SRFBP1: variants seen among roughly 807,000 people sequenced by gnomAD.
The protein encoded by SRFBP1 is serum response factor-binding protein 1.
SRFBP1 carries 47 observed loss-of-function variants against 45.5 expected under a neutral mutation model. The ratio of observed to expected loss-of-function variants is 1.03; its 90% CI spans 0.82 to 1.32. The LOEUF (loss-of-function observed/expected upper bound fraction) is 1.32, where lower values mean the gene tolerates loss of function less well. Ranked by LOEUF, SRFBP1 falls within the 40% of genes most tolerant of loss-of-function variation. The pLI is 0.00. For synonymous variants in SRFBP1, 203 were observed against 166.3 expected (o/e 1.22, Z -1.70); for missense variants, 621 against 484.6 (o/e 1.28, Z -2.64).
chr5:121,974,645 G>A (rs140827111), intron 2 of SRFBP1, among the ~76,000 whole-genome samples: 1,610 of 151,850 alleles, frequency 0.011, 27 homozygotes, highest in African/African-American at 0.036. Context: ...AATCAGTTTT[G>A]AAGATTTTAT....
chr5:122,031,767 T>C (rs1753591302), downstream of SRFBP1, among the ~76,000 whole-genome samples: 1 of 151,984 alleles, frequency 6.6e-6, no homozygotes, highest in Non-Finnish European at 1.5e-5. Context: ...GAGTGAACAG[T>C]GTGGTTTATG....
In SRFBP1 at chr5:121,962,441, A is replaced by C. The variant is rs1460277599; in HGVS notation, c.36+373A>C. Among the ~76,000 whole-genome samples the C allele has an allele frequency of 2.0e-5, 3 of 152,212 alleles. No homozygotes were observed. In the East Asian group the frequency reaches 5.8e-4, roughly 29 times the overall value. The stretch of plus-strand genomic sequence containing the variant: ...GACCCTTAATAAACTTTCAGTACAC[A>C]TTACCTGCTCTTTATTGCCTGTCGA... On this transcript the variant is annotated intron_variant, in intron 1 of 7. Coordinates refer to ENST00000339397, the MANE Select transcript of SRFBP1 (RefSeq NM_152546.3).
chr5:121,968,299 C>T (rs189903678), intron 1 of SRFBP1, among the ~76,000 whole-genome samples: 5 of 151,428 alleles, frequency 3.3e-5, no homozygotes, highest in Non-Finnish European at 7.4e-5. Context: ...AGCAGAAATA[C>T]ACTGGATGTA....
chr5:121,972,958 G>A (rs2112816543), intron 1 of SRFBP1, among the ~76,000 whole-genome samples: 1 of 151,930 alleles, frequency 6.6e-6, no homozygotes, highest in East Asian at 1.9e-4. Context: ...CAGAACTTAG[G>A]GTGTAAAGAA....
downstream of SRFBP1, chr5:122,077,405 C>A (rs1754669653): frequency 6.2e-7 from 1 of 1,614,116 alleles, no homozygotes; most frequent in East Asian, 2.2e-5. The surrounding 1 kb of genome is among the most constrained non-coding windows in gnomAD (Gnocchi z 4.9). Context: ...GCCCCCAGGT[C>A]TGGGCCTTTC....
intron 2 of SRFBP1, among the ~76,000 whole-genome samples, chr5:122,034,504 T>C (rs1466182419): frequency 1.3e-5 from 2 of 152,136 alleles, no homozygotes; most frequent in Non-Finnish European, 2.9e-5. Flanking sequence ...TCTTTAACTT[T>C]CACATGTTGC....
chr5:122,023,719 A>G (rs897326751), intron 7 of SRFBP1, among the ~76,000 whole-genome samples: 3 of 152,110 alleles, frequency 2.0e-5, no homozygotes, highest in African/African-American at 7.2e-5. Context: ...ACAAATATAA[A>G]ATGATGAAGA....
chr5:122,005,550 G>A (rs1435937310), intron 4 of SRFBP1, among the ~76,000 whole-genome samples: 3 of 151,942 alleles, frequency 2.0e-5, no homozygotes, highest in African/African-American at 7.3e-5. Context: ...TCTCTTATAG[G>A]CAGCATATGG....
At chr5:122,047,656 A>G (rs1175207592) in intron 2 of SRFBP1, among the ~76,000 whole-genome samples, 2 of 152,088 alleles carry the variant, frequency 1.3e-5, no homozygotes, top group Admixed American at 6.5e-5. Flanking sequence ...CATTTTCATG[A>G]TATTGATTCT....
chr5:121,975,436 T>A (rs779110291), intron 3 of SRFBP1, 49 bp downstream of exon 3: 278 of 1,598,894 alleles, frequency 1.7e-4, no homozygotes, highest in Non-Finnish European at 2.3e-4. Context: ...GAGTATCCTG[T>A]TATCCTGCAT....
At chr5:122,057,095 T>TA (rs1440080019) in intron 2 of SRFBP1, among the ~76,000 whole-genome samples, 4 of 152,222 alleles carry the variant, frequency 2.6e-5, no homozygotes, top group Non-Finnish European at 4.4e-5. Context: ...CAAGTGTCCT[T>TA]AGCTTTCTTG....
rs139820979 is a variant in SRFBP1 at position 122,039,450 on chromosome 5, A to T, written n.311+17043A>T. 8.8e-4 allele frequency among the ~76,000 whole-genome samples: 134 copies of T among 152,236 alleles called. 2 individuals carry two copies. Among genetic ancestry groups the T allele is most frequent in the African/African-American group, 3.2e-3 (131 of 41,550 alleles). On this transcript the variant is annotated intron_variant and non_coding_transcript_variant, in intron 2 of 2. Coordinates refer to the SRFBP1 transcript ENST00000504881. Reference sequence around the variant, plus strand: ...AACTGGCTAAGTGCTCACTGAATCTATTACTTCTTTCCTTAGGCACCTGGG... The same window carrying T: ...AACTGGCTAAGTGCTCACTGAATCTTTTACTTCTTTCCTTAGGCACCTGGG...
chr5:122,005,546 A>C (rs565749270), intron 4 of SRFBP1, among the ~76,000 whole-genome samples: 1 of 152,264 alleles, frequency 6.6e-6, no homozygotes, highest in South Asian at 2.1e-4. Flanking sequence ...TAAGTCTCTT[A>C]TAGGCAGCAT....
At chr5:121,965,178 A>C (rs1395710378) in intron 1 of SRFBP1, among the ~76,000 whole-genome samples, 2 of 152,168 alleles carry the variant, frequency 1.3e-5, no homozygotes, top group Non-Finnish European at 2.9e-5. Context: ...TGCTGTGAAG[A>C]AGCTCTTTAG....
rs774419328 is a variant in SRFBP1, at chr5:121,975,392, G to A, written c.198+5G>A. The stretch of plus-strand genomic sequence containing the variant: ...GAAGAAATCCATGCCATGAAGGTAA[G>A]GACTTGTGTGGGTGTGTATGTGTGT... On this transcript the variant is annotated splice_donor_5th_base_variant and intron_variant, in intron 3 of 7. Coordinates refer to ENST00000339397, the MANE Select transcript of SRFBP1 (RefSeq NM_152546.3). 6.2e-7 allele frequency: 1 copy of A among 1,613,186 alleles called. No homozygotes were observed. The highest frequency in any genetic ancestry group is 1.1e-5 in the South Asian group (1 of 91,070).
In SRFBP1 at chr5:121,962,065, C is replaced by A. The variant is rs775936866; in HGVS notation, c.33C>A (p.Asn11Lys). 6.2e-7 allele frequency: 1 copy of A among 1,613,940 alleles called. No individual in the cohort carries two copies. The highest frequency in any genetic ancestry group is 1.3e-5 in the African/African-American group (1 of 74,884). ...AGCCGGGAACTCTGAACCTCAATAA[C>A]GAGGTGAGCGCCGAGGAACCTATGG... MAQPGTLNLN[N>K]EVVKMRKEVK... Residue 11 changes from asparagine (N) to lysine (K), a missense_variant, in exon 1 of 8, where the codon AAC becomes AAA. Transcript: ENST00000339397.
At chr5:121,992,039 T>C (rs1037716493) in intron 3 of SRFBP1, among the ~76,000 whole-genome samples, 3 of 152,144 alleles carry the variant, frequency 2.0e-5, no homozygotes, top group African/African-American at 7.2e-5. Context: ...ATACGAAGAC[T>C]GGTAGGAGAT....
At position 122,026,968 on chromosome 5, in the gene SRFBP1, A is replaced by C; in HGVS notation, c.1132A>C (p.Lys378Gln). ...LDFPQNEPQI[K>Q]NQFNKKLSGR... ...TTTTCCACAGAATGAGCCTCAGATC[A>C]AGAATCAGTTTAATAAGAAGCTATC... Residue 378 changes from lysine (K) to glutamine (Q), a missense_variant, in exon 8 of 8, where the codon AAG (lysine) becomes CAG (glutamine). Physicochemically the swap from Lys to Gln is moderately conservative, Grantham distance 53 (BLOSUM62 1). Transcript: ENST00000339397. The C allele has an allele frequency of 6.2e-7, 1 of 1,612,294 alleles. No individual in the cohort carries two copies. The highest frequency in any genetic ancestry group is 8.5e-7 in the Non-Finnish European group (1 of 1,179,464).
chr5:121,997,619 T>G (rs1385591987), intron 4 of SRFBP1, among the ~76,000 whole-genome samples: 1 of 151,248 alleles, frequency 6.6e-6, no homozygotes, highest in East Asian at 1.9e-4. Context: ...GGACTTCATA[T>G]CCAAAACACC....
Sources: gnomAD v4.1 joint callset for allele counts (sites outside exome capture counted in the v4.1 genomes callset) on GRCh38, gnomAD v4.1.1 for gene constraint, Gnocchi (gnomAD v3.1) non-coding constraint, MANE v1.5 for transcripts, NCBI Gene and HGNC (gene_info 2026-07-23, HGNC 2026-07-21) for gene names.